NFATC2: variants seen among roughly 807,000 people sequenced by gnomAD.
NFATC2 encodes nuclear factor of activated T-cells, cytoplasmic 2.
A neutral mutation model predicts 87.3 loss-of-function variants in NFATC2; 22 were observed. The observed-to-expected ratio is 0.25, with a 90% confidence interval of 0.18 to 0.36. The LOEUF (loss-of-function observed/expected upper bound fraction) is 0.36. NFATC2 is among the 10% of genes least tolerant of loss of function. NFATC2 has a pLI of 1.00. For synonymous variants in NFATC2, 565 were observed against 542.2 expected (o/e 1.04, Z -0.58); for missense variants, 1,149 against 1,259.1 (o/e 0.91, Z 1.32).
intron 10 of NFATC2, among the ~76,000 whole-genome samples, chr20:51,398,280 C>T (rs1246339694): frequency 6.6e-6 from 1 of 152,100 alleles, no homozygotes; most frequent in Non-Finnish European, 1.5e-5. Context: ...CAGTGCCGGA[C>T]ACCCACCACG....
rs140432219 is a variant in NFATC2 at position 51,450,151 on chromosome 20, G to A, written c.1849+4397C>T. ...TCATCATCTGTATCTTACAAAAGAG[G>A]AAATGTCAGCCCAGATAGGTGAAGT... On this transcript the variant is annotated intron_variant, in intron 6 of 10. Coordinates refer to ENST00000371564, the MANE Select transcript of NFATC2 (RefSeq NM_012340.5). Among the ~76,000 whole-genome samples the A allele has an allele frequency of 5.4e-3, 824 of 152,246 alleles. 5 individuals carry two copies. The highest frequency in any genetic ancestry group is 0.02 in the Middle Eastern group (6 of 294).
chr20:51,419,744 A>C (rs1442491797), intron 9 of NFATC2, among the ~76,000 whole-genome samples: 1 of 152,234 alleles, frequency 6.6e-6, no homozygotes. Context: ...TAACACCGCA[A>C]GGAGTATCTC....
intron 3 of NFATC2, among the ~76,000 whole-genome samples, chr20:51,491,284 T>TAA (rs879352877): frequency 1.4e-5 from 2 of 143,372 alleles, no homozygotes; most frequent in African/African-American, 5.1e-5. Flanking sequence ...TGGACAAGGT[T>TAA]AAAAAAAAAA....
chr20:51,473,873 T>C (rs1483848519), intron 5 of NFATC2, 107 bp downstream of exon 5: 1 of 1,222,182 alleles, frequency 8.2e-7, no homozygotes, highest in Non-Finnish European at 1.1e-6. Flanking sequence ...GTCCCACACA[T>C]TCCCGCAGGC....
chr20:51,509,564 C>G (rs1600905853), intron 3 of NFATC2, among the ~76,000 whole-genome samples: 1 of 152,314 alleles, frequency 6.6e-6, no homozygotes, highest in Admixed American at 6.5e-5. Context: ...AACACAGCAG[C>G]CCTGATCAAG....
At chr20:51,562,816 T>TC (rs2077044511), upstream of NFATC2, 4 of 551,936 alleles carry the variant, frequency 7.2e-6, no homozygotes, top group South Asian at 9.7e-5. This position sits in a 1 kb window ranked among gnomAD's most constrained non-coding sequence, Gnocchi z 5.8. Flanking sequence ...GGCTCCGCGA[T>TC]CCGGCTTACT....
At chr20:51,492,845 G>T (rs973779996) in intron 3 of NFATC2, among the ~76,000 whole-genome samples, 2 of 152,264 alleles carry the variant, frequency 1.3e-5, no homozygotes, top group East Asian at 3.8e-4. Flanking sequence ...AGCGCCGGCC[G>T]GGGCTGGGCC....
At chr20:51,400,491 A>C (rs1416183923) in intron 9 of NFATC2, among the ~76,000 whole-genome samples, 2 of 152,054 alleles carry the variant, frequency 1.3e-5, no homozygotes, top group Non-Finnish European at 2.9e-5. Context: ...CAATGGCGCT[A>C]TCTCAGGGGA....
At chr20:51,455,689 C>T (rs1406627384) in intron 5 of NFATC2, among the ~76,000 whole-genome samples, 1 of 67,924 alleles carries the variant, frequency 1.5e-5, no homozygotes, top group South Asian at 6.4e-4. Flanking sequence ...TGCCAAGAAC[C>T]TAGGAGGAGA....
At chr20:51,479,122 TC>T (rs138368775) in intron 3 of NFATC2, among the ~76,000 whole-genome samples, 17,420 of 152,160 alleles carry the variant, frequency 0.11, 1,093 homozygotes, top group Middle Eastern at 0.17. Flanking sequence ...GCTTTTTTTT[TC>T]CCCCTGGAAA....
At chr20:51,526,770 TC>T (rs1220074175) in intron 1 of NFATC2, among the ~76,000 whole-genome samples, 2 of 151,836 alleles carry the variant, frequency 1.3e-5, no homozygotes, top group Non-Finnish European at 2.9e-5. Flanking sequence ...CCAAAATGGC[TC>T]CCCACAGCTC....
In NFATC2 at chr20:51,524,450, CTCGAG is replaced by C. The variant is rs1451484816; in HGVS notation, c.131-345_131-341del. Among the ~76,000 whole-genome samples, 1 of 152,174 alleles carries C rather than the reference CTCGAG, an allele frequency of 6.6e-6. No individual in the cohort carries two copies. The highest frequency in any genetic ancestry group is 6.5e-5 in the Admixed American group (1 of 15,280). The stretch of plus-strand genomic sequence containing the variant: ...ACACCCACAACTGAAACAAAAGCCT[CTCGAG>C]TCAATACTTACCCCTGCTACATGAC... On this transcript the variant is annotated intron_variant, in intron 1 of 10. Coordinates refer to ENST00000371564, the MANE Select transcript of NFATC2 (RefSeq NM_012340.5). The surrounding 1 kb of genome is among the most constrained non-coding windows in gnomAD (Gnocchi z 4.0).
intron 5 of NFATC2, among the ~76,000 whole-genome samples, chr20:51,467,957 A>G (rs1339246648): frequency 3.3e-5 from 5 of 152,348 alleles, no homozygotes; most frequent in East Asian, 3.9e-4. Flanking sequence ...TATTCATGCA[A>G]TTGAATAGTA....
Position 51,448,494 on chromosome 20 carries a change from A to C in NFATC2, c.1849+6054T>G, listed in dbSNP as rs138783111. Among the ~76,000 whole-genome samples, 405 of 152,348 alleles carry C rather than the reference A, an allele frequency of 2.7e-3. 5 individuals carry two copies. Among genetic ancestry groups the C allele is most frequent in the African/African-American group, 9.3e-3 (388 of 41,578 alleles). ...GTCTCTACTAAACAAACTACAAAAAATTAGCCAGGCGTCGTGGCAGGTGCC... is the reference window on the plus strand; with the variant it reads ...GTCTCTACTAAACAAACTACAAAAACTTAGCCAGGCGTCGTGGCAGGTGCC... On this transcript the variant is annotated intron_variant, in intron 6 of 10. Transcript: ENST00000371564.
At chr20:51,558,127 GC>G (rs2076993583) in intron 1 of NFATC2, among the ~76,000 whole-genome samples, 1 of 152,144 alleles carries the variant, frequency 6.6e-6, no homozygotes, top group African/African-American at 2.4e-5. Flanking sequence ...TATTACTTGA[GC>G]CCAGGAATTC....
intron 1 of NFATC2, among the ~76,000 whole-genome samples, chr20:51,526,053 C>T (rs2076540948): frequency 6.6e-6 from 1 of 151,906 alleles, no homozygotes; most frequent in Non-Finnish European, 1.5e-5. Context: ...CCGCGAGATC[C>T]TCCCACTTCC....
intron 9 of NFATC2, among the ~76,000 whole-genome samples, chr20:51,407,050 C>T (rs1352089513): frequency 6.6e-6 from 1 of 152,224 alleles, no homozygotes; most frequent in Non-Finnish European, 1.5e-5. Flanking sequence ...ACGCTATTCA[C>T]GTCAAGCCTG....
intron 6 of NFATC2, among the ~76,000 whole-genome samples, chr20:51,439,427 CT>C (rs1432200023): frequency 6.6e-6 from 1 of 152,216 alleles, no homozygotes; most frequent in Non-Finnish European, 1.5e-5. Context: ...AGAGTCAGCA[CT>C]CCTTATGCAG....
At chr20:51,464,168 A>G (rs558812573) in intron 5 of NFATC2, among the ~76,000 whole-genome samples, 1 of 152,298 alleles carries the variant, frequency 6.6e-6, no homozygotes, top group African/African-American at 2.4e-5. Context: ...AGAGGTACGT[A>G]AAGCCTGCTT....
Sources: allele counts gnomAD v4.1 joint callset (sites outside exome capture counted in the v4.1 genomes callset), GRCh38; gene constraint gnomAD v4.1.1; non-coding constraint Gnocchi (gnomAD v3.1); transcripts MANE v1.5; gene names NCBI Gene and HGNC (gene_info 2026-07-23, HGNC 2026-07-21).